Variants in DENND1A observed in about 807,000 individuals in gnomAD.
The protein encoded by DENND1A is DENN domain-containing protein 1A.
A neutral mutation model predicts 113.7 loss-of-function variants in DENND1A; 51 were observed. That is an observed-to-expected ratio of 0.45 (90% CI 0.36 to 0.57). The LOEUF (loss-of-function observed/expected upper bound fraction) is 0.57. Ranked by LOEUF, DENND1A falls within the 20% of genes least tolerant of loss-of-function variation. The pLI is 0.00. For missense variants in DENND1A, 1,258 were observed against 1,395.9 expected, an observed-to-expected ratio of 0.90 and a Z score of 1.57; for synonymous variants, 565 against 570.8, an observed-to-expected ratio of 0.99 and a Z score of 0.14.
intron 4 of DENND1A, 133 bp downstream of exon 4, chr9:123,769,381 C>T: frequency 1.3e-6 from 1 of 748,634 alleles, no homozygotes; most frequent in Non-Finnish European, 2.0e-6. Flanking sequence ...GAGAATATTG[C>T]AACTCTCCTT....
rs556165032 is a variant in DENND1A at position 123,454,592 on chromosome 9, A to G, written c.1227+147T>C. ...CCCACCCTTCTAGTCTCCATCTGGCATGAGAAGAGCCTGGCTTTACAAACA... is the reference window on the plus strand; with the variant it reads ...CCCACCCTTCTAGTCTCCATCTGGCGTGAGAAGAGCCTGGCTTTACAAACA... On this transcript the variant is annotated intron_variant, in intron 16 of 23. Coordinates refer to ENST00000394215, the MANE Select transcript of DENND1A (RefSeq NM_001352964.2). The G allele has an allele frequency of 4.9e-6, 4 of 822,412 alleles. No individual in the cohort carries two copies. The African/African-American group carries it at 6.8e-5, about 14-fold the overall frequency. 50.9% of individuals were successfully genotyped at this position (822,412 alleles called of 1,614,324 possible). A position where few individuals can be genotyped will look rare whatever the true frequency, so the allele number is the denominator to read the frequency against.
intron 1 of DENND1A, among the ~76,000 whole-genome samples, chr9:123,897,266 G>C (rs1284755699): frequency 1.3e-5 from 2 of 152,198 alleles, no homozygotes; most frequent in African/African-American, 4.8e-5. Flanking sequence ...GTTTGAGTTT[G>C]TTCCTCCATT....
intron 13 of DENND1A, among the ~76,000 whole-genome samples, chr9:123,523,706 C>A (rs1410087500): frequency 6.6e-6 from 1 of 152,208 alleles, no homozygotes; most frequent in Non-Finnish European, 1.5e-5. Flanking sequence ...GCAAAGGGCT[C>A]TGCTCCTCCA....
At chr9:123,544,925 C>T (rs1292010294) in intron 13 of DENND1A, among the ~76,000 whole-genome samples, 3 of 151,966 alleles carry the variant, frequency 2.0e-5, no homozygotes, top group African/African-American at 4.8e-5. Context: ...GGTGAAACCC[C>T]GTCTCTACTA....
At chr9:123,830,625 G>A (rs1840031616) in intron 2 of DENND1A, among the ~76,000 whole-genome samples, 1 of 151,982 alleles carries the variant, frequency 6.6e-6, no homozygotes, top group Non-Finnish European at 1.5e-5. Context: ...AGCACTTTGG[G>A]AGGCCGAGGG....
intron 1 of DENND1A, among the ~76,000 whole-genome samples, chr9:123,882,057 C>T (rs2133607557): frequency 6.6e-6 from 1 of 152,234 alleles, no homozygotes; most frequent in African/African-American, 2.4e-5. Context: ...CAGGTTAGCT[C>T]TCCTACTGTC....
chr9:123,713,693 T>C (rs1413329540), intron 5 of DENND1A, among the ~76,000 whole-genome samples: 2 of 143,664 alleles, frequency 1.4e-5, no homozygotes. Flanking sequence ...TAAAGACAAT[T>C]AGAAAAAAAA....
At chr9:123,551,480 T>C (rs796194677) in intron 13 of DENND1A, among the ~76,000 whole-genome samples, 7 of 152,186 alleles carry the variant, frequency 4.6e-5, no homozygotes, top group African/African-American at 1.7e-4. Flanking sequence ...GGCGGGAGGA[T>C]GTGTTGGAGG....
At chr9:123,856,375 G>A (rs1475691543) in intron 2 of DENND1A, among the ~76,000 whole-genome samples, 1 of 152,096 alleles carries the variant, frequency 6.6e-6, no homozygotes, top group Non-Finnish European at 1.5e-5. Flanking sequence ...ACCCAATTGT[G>A]ACAAGGGTGC....
chr9:123,420,030 C>A (rs2045113539), intron 19 of DENND1A, among the ~76,000 whole-genome samples: 1 of 152,202 alleles, frequency 6.6e-6, no homozygotes, highest in African/African-American at 2.4e-5. Flanking sequence ...AGGCCTGAAG[C>A]ATTTGCAGAG....
In DENND1A at chr9:123,852,158, C is replaced by T. The variant is rs540835714; in HGVS notation, c.88+26793G>A. ...TGGGGAAGAGTGGTGGTGGTAGGGA[C>T]GGGGAACAGTTAACTTCTCTCTTTA... On this transcript the variant is annotated intron_variant, in intron 2 of 23. Coordinates refer to ENST00000394215, the MANE Select transcript of DENND1A (RefSeq NM_001352964.2). 7.9e-5 allele frequency among the ~76,000 whole-genome samples: 12 copies of T among 152,204 alleles called. No individual in the cohort carries two copies. In the East Asian group the frequency reaches 1.2e-3, roughly 15 times the overall value.
intron 13 of DENND1A, among the ~76,000 whole-genome samples, chr9:123,480,692 C>T (rs779860688): frequency 2.6e-5 from 4 of 152,078 alleles, no homozygotes; most frequent in Non-Finnish European, 5.9e-5. Context: ...CCTGCTTATC[C>T]GCCAGCCTCC....
chr9:123,655,411 G>A (rs1367071112), intron 8 of DENND1A, among the ~76,000 whole-genome samples: 1 of 152,128 alleles, frequency 6.6e-6, no homozygotes. Flanking sequence ...TGGGACATTA[G>A]GAAGAACGTA....
chr9:123,824,984 A>G (rs1354866391), intron 2 of DENND1A, among the ~76,000 whole-genome samples: 1 of 152,166 alleles, frequency 6.6e-6, no homozygotes, highest in Non-Finnish European at 1.5e-5. Context: ...CCTTCTAAGA[A>G]AGAAAGCTTG....
chr9:123,651,216 G>A (rs537176355), intron 9 of DENND1A, among the ~76,000 whole-genome samples: 5 of 151,876 alleles, frequency 3.3e-5, no homozygotes, highest in African/African-American at 1.2e-4. Flanking sequence ...AAAAAATCAA[G>A]ACACCTATAA....
At chr9:123,553,726 A>G (rs984819811) in intron 13 of DENND1A, among the ~76,000 whole-genome samples, 1 of 152,150 alleles carries the variant, frequency 6.6e-6, no homozygotes, top group Non-Finnish European at 1.5e-5. Context: ...CGATAGGATT[A>G]TGGGTGGTGC....
intron 13 of DENND1A, among the ~76,000 whole-genome samples, chr9:123,483,160 GACTGACC>G (rs1344669117): frequency 3.3e-5 from 5 of 152,118 alleles, no homozygotes. Context: ...GGATCTAGCC[GACTGACC>G]ACCTCCCCCT....
intron 11 of DENND1A, among the ~76,000 whole-genome samples, chr9:123,603,906 T>C (rs879935845): frequency 6.6e-6 from 1 of 152,250 alleles, no homozygotes; most frequent in Non-Finnish European, 1.5e-5. Flanking sequence ...GTTTTTGATG[T>C]GTAATTTCCT....
chr9:123,583,669 C>G (rs1471064100), intron 11 of DENND1A, among the ~76,000 whole-genome samples: 3 of 152,286 alleles, frequency 2.0e-5, no homozygotes, highest in Admixed American at 2.0e-4. Context: ...TTCAATCCAG[C>G]CCCCTAATTT....
Sources: allele counts gnomAD v4.1 joint callset (sites outside exome capture counted in the v4.1 genomes callset), GRCh38; gene constraint gnomAD v4.1.1; transcripts MANE v1.5; gene names NCBI Gene and HGNC (gene_info 2026-07-23, HGNC 2026-07-21).